The following CASK variants were observed in gnomAD, a reference collection of about 807,000 sequenced individuals.
CASK encodes the protein calcium/calmodulin dependent serine protein kinase.
CASK carries 4 observed loss-of-function variants against 82.9 expected under a neutral mutation model. The ratio of observed to expected loss-of-function variants is 0.05; its 90% CI spans 0.02 to 0.11. CASK has a LOEUF of 0.11. CASK is among the 10% of genes least tolerant of loss of function. The pLI is 1.00. For synonymous variants in CASK, 259 were observed against 253.5 expected (o/e 1.02, Z -0.20); for missense variants, 358 against 720.9 (o/e 0.50, Z 5.76).
chrX:41,782,415 A>G (rs2069496122), intron 3 of CASK, among the ~76,000 whole-genome samples: 1 of 112,437 alleles, frequency 8.9e-6, no homozygotes, highest in Non-Finnish European at 1.9e-5. Flanking sequence ...ATCTCGATAT[A>G]CAGCCAACCA....
At chrX:41,574,807 A>G (rs1332841776) in intron 15 of CASK, among the ~76,000 whole-genome samples, 1 of 112,159 alleles carries the variant, frequency 8.9e-6, no homozygotes, top group Non-Finnish European at 1.9e-5. Context: ...TCACTAGAGA[A>G]TAACACTGTC....
intron 2 of CASK, among the ~76,000 whole-genome samples, chrX:41,813,973 C>G (rs574854184): frequency 8.9e-6 from 1 of 112,162 alleles, no homozygotes; most frequent in African/African-American, 3.2e-5. Context: ...ATTTATGCAG[C>G]CAAAAGACAC....
At chrX:41,892,512 T>C (rs2072192220) in intron 1 of CASK, among the ~76,000 whole-genome samples, 1 of 110,267 alleles carries the variant, frequency 9.1e-6, no homozygotes, top group Non-Finnish European at 1.9e-5. Flanking sequence ...TTTTTGTATT[T>C]TTAGTAGAGA....
chrX:41,757,857 C>T (rs1169863916), intron 3 of CASK, among the ~76,000 whole-genome samples: 1 of 111,711 alleles, frequency 9.0e-6, no homozygotes, highest in Non-Finnish European at 1.9e-5. Context: ...TGTCTATAGA[C>T]AAATAGAGAG....
At position 41,636,634 on chromosome X, in the gene CASK, G is replaced by C; in HGVS notation, c.859C>G (p.His287Asp). The change falls in exon 9 of 27, where the codon CAT (histidine) becomes GAT (aspartate). Residue 287 changes from histidine (H) to aspartate (D), a missense_variant. Coordinates refer to ENST00000378163, the MANE Select transcript of CASK (RefSeq NM_001367721.1). ...KERDRYAYKI[H>D]LPETVEQLRK... ...AGCTGCTCTACTGTTTCTGGAAGAT[G>C]AATCTTGTAGGCGTAACGATCCCGC... is the stretch of plus-strand genomic sequence containing the variant. 1 of 1,189,262 alleles carries C rather than the reference G, an allele frequency of 8.4e-7. No homozygotes were observed. The highest frequency in any genetic ancestry group is 1.1e-6 in the Non-Finnish European group (1 of 875,099).
chrX:41,671,380 G>T (rs753547075), intron 6 of CASK, 48 bp downstream of exon 6: 3 of 774,511 alleles, frequency 3.9e-6, no homozygotes, highest in Non-Finnish European at 4.0e-6. Flanking sequence ...TATACCAGTC[G>T]CAAGTGACCA....
intron 12 of CASK, among the ~76,000 whole-genome samples, chrX:41,591,666 G>A (rs57669567): frequency 1.8e-5 from 2 of 110,067 alleles, no homozygotes; most frequent in African/African-American, 6.6e-5. Context: ...AAGTAGAGAC[G>A]GGGTTTCACC....
At chrX:41,666,499 ACTTTATCTAGAACT>A (rs1178335754) in intron 6 of CASK, among the ~76,000 whole-genome samples, 1 of 112,190 alleles carries the variant, frequency 8.9e-6, no homozygotes, top group Admixed American at 9.5e-5. Context: ...ATTGTGCAAT[ACTTTATCTAGAACT>A]CAGAACTGTG....
chrX:41,854,208 G>A (rs1461641450), intron 1 of CASK, among the ~76,000 whole-genome samples: 1 of 87,621 alleles, frequency 1.1e-5, no homozygotes, highest in Non-Finnish European at 2.2e-5. Flanking sequence ...GAACATGCGC[G>A]CGCGCGCGGG....
At chrX:41,801,137 A>C (rs1176887913) in intron 2 of CASK, among the ~76,000 whole-genome samples, 1 of 111,907 alleles carries the variant, frequency 8.9e-6, no homozygotes, top group Non-Finnish European at 1.9e-5. Context: ...CAGAAAATAG[A>C]AACTGCCTTT....
intron 25 of CASK, among the ~76,000 whole-genome samples, chrX:41,527,440 G>A (rs1283157228): frequency 1.8e-5 from 2 of 112,017 alleles, no homozygotes; most frequent in Non-Finnish European, 3.8e-5. Context: ...TTAATCTCAG[G>A]TTATTATCCT....
intron 1 of CASK, among the ~76,000 whole-genome samples, chrX:41,900,037 TTTTTG>T (rs1432665175): frequency 1.8e-5 from 2 of 109,190 alleles, no homozygotes; most frequent in Non-Finnish European, 3.8e-5. Flanking sequence ...GTTGGCAGGT[TTTTTG>T]TTTTGTTTTT....
At chrX:41,580,880 CTT>C (rs938866094) in intron 14 of CASK, among the ~76,000 whole-genome samples, 9 of 112,292 alleles carry the variant, frequency 8.0e-5, no homozygotes, top group Non-Finnish European at 1.5e-4. Flanking sequence ...GAAAAAAACA[CTT>C]TCACTTTTTG....
intron 25 of CASK, among the ~76,000 whole-genome samples, chrX:41,530,350 A>G (rs1394335563): frequency 8.9e-6 from 1 of 112,257 alleles, no homozygotes; most frequent in Non-Finnish European, 1.9e-5. Context: ...ACTGCAAGAC[A>G]TATCTAGAAA....
chrX:41,783,068 C>G (rs1401396546), intron 3 of CASK, among the ~76,000 whole-genome samples: 2 of 110,954 alleles, frequency 1.8e-5, no homozygotes, highest in Non-Finnish European at 3.8e-5. Context: ...CGCTTGAACC[C>G]AGGAGGTGGA....
At chrX:41,576,778 A>T (rs2065491636) in intron 15 of CASK, among the ~76,000 whole-genome samples, 1 of 111,954 alleles carries the variant, frequency 8.9e-6, no homozygotes, top group African/African-American at 3.2e-5. Flanking sequence ...ACATGAAGTG[A>T]TTTGCCCAAG....
intron 5 of CASK, among the ~76,000 whole-genome samples, chrX:41,683,012 A>G (rs1375071545): frequency 9.0e-6 from 1 of 111,433 alleles, no homozygotes; most frequent in African/African-American, 3.3e-5. Context: ...TTTCCAGAAT[A>G]GGGCACTTTT....
intron 3 of CASK, among the ~76,000 whole-genome samples, chrX:41,782,362 C>G (rs1157942617): frequency 8.9e-6 from 1 of 112,050 alleles, no homozygotes; most frequent in Non-Finnish European, 1.9e-5. Context: ...TGGGTTAACA[C>G]TGGGATCAGG....
intron 1 of CASK, among the ~76,000 whole-genome samples, chrX:41,869,838 C>CAAAAAAAAAAAAAAAAAAAA (rs2071670954): frequency 2.3e-5 from 1 of 44,173 alleles, no homozygotes; most frequent in African/African-American, 8.3e-5. Flanking sequence ...AAAAAAAAAG[C>CAAAAAAAAAAAAAAAAAAAA]CAAAATTTAA....
Sources: allele counts gnomAD v4.1 joint callset (sites outside exome capture counted in the v4.1 genomes callset), GRCh38; gene constraint gnomAD v4.1.1; transcripts MANE v1.5; gene names NCBI Gene and HGNC (gene_info 2026-07-23, HGNC 2026-07-21).